Variants in TADA2A observed in about 807,000 individuals in gnomAD.
TADA2A encodes transcriptional adapter 2-alpha.
A neutral mutation model predicts 67.4 loss-of-function variants in TADA2A; 38 were observed. That is an observed-to-expected ratio of 0.56 (90% CI 0.44 to 0.74). TADA2A has a LOEUF of 0.74. TADA2A is among the 30% of genes least tolerant of loss of function. TADA2A has a pLI of 0.00. For missense variants in TADA2A, 454 were observed against 547.0 expected (o/e 0.83, Z 1.70); for synonymous variants, 192 against 181.6 (o/e 1.06, Z -0.46).
At chr17:37,407,645 TC>T (rs2051639535) in intron 1 of TADA2A, 2 of 152,100 alleles carry the variant, frequency 1.3e-5, no homozygotes, top group South Asian at 4.1e-4. Flanking sequence ...TTTTTTTTTT[TC>T]TCCTAGGCTG....
intron 5 of TADA2A, among the ~76,000 whole-genome samples, chr17:37,439,935 TTTA>T (rs1408716750): frequency 1.0e-3 from 88 of 88,052 alleles, no homozygotes; most frequent in Non-Finnish European, 1.6e-3. Context: ...TATTTATTTA[TTTA>T]TTTATTATTT....
At chr17:37,440,182 G>C (rs2052870300) in intron 5 of TADA2A, among the ~76,000 whole-genome samples, 1 of 151,796 alleles carries the variant, frequency 6.6e-6, no homozygotes. Flanking sequence ...CCCAACCTCA[G>C]GTGATCCACC....
At chr17:37,447,445 G>A (rs1036337384) in intron 8 of TADA2A, among the ~76,000 whole-genome samples, 18 of 152,190 alleles carry the variant, frequency 1.2e-4, no homozygotes, top group Middle Eastern at 3.4e-3. Context: ...GTTAGCCACC[G>A]CGTCCGGCCC....
At chr17:37,467,643 GC>G in intron 12 of TADA2A, 118 bp downstream of exon 12, 1 of 816,094 alleles carries the variant, frequency 1.2e-6, no homozygotes. Context: ...TTACCAGAAT[GC>G]TTTAAACCTT....
intron 8 of TADA2A, among the ~76,000 whole-genome samples, chr17:37,448,961 C>G (rs1382984774): frequency 6.6e-6 from 1 of 152,130 alleles, no homozygotes; most frequent in Non-Finnish European, 1.5e-5. Flanking sequence ...AGAGGTCCAG[C>G]CTGGTCTCTG....
chr17:37,439,511 G>C (rs1337776898), intron 5 of TADA2A, among the ~76,000 whole-genome samples: 1 of 152,028 alleles, frequency 6.6e-6, no homozygotes, highest in Admixed American at 6.6e-5. Flanking sequence ...TCGAACTCCT[G>C]AGTTCAAGCC....
intron 8 of TADA2A, chr17:37,454,351 A>C (rs1347521538): frequency 7.1e-6 from 1 of 141,766 alleles, no homozygotes; most frequent in Non-Finnish European, 1.5e-5. Context: ...GCTGGAGTGC[A>C]GTGGCGTGAT....
intron 4 of TADA2A, among the ~76,000 whole-genome samples, chr17:37,435,712 T>G (rs2052704126): frequency 1.3e-5 from 2 of 152,170 alleles, no homozygotes; most frequent in Admixed American, 1.3e-4. Context: ...GCCAAGTAGC[T>G]GGAACCACAG....
At chr17:37,442,137 G>T (rs939709481) in intron 6 of TADA2A, among the ~76,000 whole-genome samples, 5 of 151,012 alleles carry the variant, frequency 3.3e-5, no homozygotes, top group African/African-American at 1.2e-4. Flanking sequence ...GGACTAGTGT[G>T]TGTTGGAGCT....
At chr17:37,474,262 G>C (rs970051418) in intron 14 of TADA2A, among the ~76,000 whole-genome samples, 9 of 152,124 alleles carry the variant, frequency 5.9e-5, no homozygotes, top group African/African-American at 1.9e-4. Context: ...ATAAATAAGA[G>C]ATAACTACTG....
intron 3 of TADA2A, among the ~76,000 whole-genome samples, chr17:37,425,171 C>T (rs773810071): frequency 3.9e-4 from 59 of 152,168 alleles, no homozygotes; most frequent in Non-Finnish European, 6.5e-4. Context: ...TGAGCTACCA[C>T]GCCCGGCCAT....
chr17:37,412,489 T>TA (rs1415369844), intron 2 of TADA2A, among the ~76,000 whole-genome samples: 2 of 151,510 alleles, frequency 1.3e-5, no homozygotes, highest in African/African-American at 4.9e-5. Flanking sequence ...TAACTATGGA[T>TA]AAAAAAATTA....
At chr17:37,475,920 T>C (rs1279202353) in intron 15 of TADA2A, among the ~76,000 whole-genome samples, 1 of 152,252 alleles carries the variant, frequency 6.6e-6, no homozygotes. Context: ...TCTGTTCCTC[T>C]TTTGGAGGAG....
rs150499579 is a variant in TADA2A, at chr17:37,474,608, G to A, written c.1125G>A (p.Lys375=). 3 of 1,613,212 alleles carry A rather than the reference G, an allele frequency of 1.9e-6. No individual in the cohort carries two copies. The highest frequency in any genetic ancestry group is 2.2e-5 in the East Asian group (1 of 44,880). ...LNLTGLPGTE[K]LNEKEKELCQ... is the part of the protein sequence containing the mutation. ...TCACTGGCCTCCCTGGCACAGAGAA[G>A]CTGAATGAAAAAGAAAAGGAGGTAA... Residue 375 remains lysine, a synonymous_variant, in exon 15 of 16, where the codon AAG becomes AAA. Transcript: ENST00000615182.
At chr17:37,453,683 A>C (rs539471584) in intron 8 of TADA2A, among the ~76,000 whole-genome samples, 23 of 147,880 alleles carry the variant, frequency 1.6e-4, no homozygotes, top group Non-Finnish European at 2.1e-4. Flanking sequence ...AGATTGTATT[A>C]CTCTTCAGAG....
intron 1 of TADA2A, among the ~76,000 whole-genome samples, chr17:37,409,565 G>A (rs1369535713): frequency 3.3e-5 from 5 of 151,912 alleles, no homozygotes; most frequent in Non-Finnish European, 1.5e-5. Context: ...TCAGGAGTTC[G>A]AGACCAGCCT....
rs2053949751 is a variant in TADA2A, at chr17:37,479,612, A to G, written c.*2630A>G. The G allele has an allele frequency of 6.6e-6, 1 of 152,198 alleles. No homozygotes were observed. The highest frequency in any genetic ancestry group is 2.4e-5 in the African/African-American group (1 of 41,450). 9.4% of individuals were successfully genotyped at this position (152,198 alleles called of 1,614,324 possible). On this transcript the variant is annotated 3_prime_UTR_variant, in exon 16 of 16. Coordinates refer to ENST00000615182, the MANE Select transcript of TADA2A (RefSeq NM_001166105.3). Reference sequence around the variant, plus strand: ...TTTACCCTGAAACTTAATGACATGAATAAAACCTGTTTACTGAAATTTTTA... The same window carrying G: ...TTTACCCTGAAACTTAATGACATGAGTAAAACCTGTTTACTGAAATTTTTA...
chr17:37,462,114 G>C lies in TADA2A; in HGVS notation c.705G>C (p.Lys235Asn), dbSNP rs1163650883. Reference sequence around the variant, plus strand: ...ACCATGGATTAATCAACCTTAGAAAGTTTCAATGTAAGTATTAGCAGTTTT... The same window carrying C: ...ACCATGGATTAATCAACCTTAGAAACTTTCAATGTAAGTATTAGCAGTTTT... ...IRDHGLINLR[K>N]FQLMERRYPK... Residue 235 changes from lysine to asparagine, a missense_variant, in exon 10 of 16, where the codon AAG (lysine) becomes AAC (asparagine). Physicochemically the swap from Lys to Asn is moderately conservative, Grantham distance 94. This residue lies in a region of TADA2A where 403 missense variants were observed against 455.5 expected (regional missense o/e 0.88). Coordinates refer to ENST00000615182, the MANE Select transcript of TADA2A (RefSeq NM_001166105.3). 1.9e-6 allele frequency: 3 copies of C among 1,562,428 alleles called. No individual in the cohort carries two copies. The highest frequency in any genetic ancestry group is 2.6e-6 in the Non-Finnish European group (3 of 1,143,822).
rs183253775 is a variant in TADA2A at position 37,437,318 on chromosome 17, C to T, written c.193-420C>T. On this transcript the variant is annotated intron_variant, in intron 4 of 15. Coordinates refer to ENST00000615182, the MANE Select transcript of TADA2A (RefSeq NM_001166105.3). ...GTGTTAGCCAGGATGGTCTCGATCTCCTGACCTCGTGATCCGCCCTCCTCG... is the reference window on the plus strand; with the variant it reads ...GTGTTAGCCAGGATGGTCTCGATCTTCTGACCTCGTGATCCGCCCTCCTCG... Among the ~76,000 whole-genome samples the T allele has an allele frequency of 9.4e-4, 142 of 151,752 alleles. 4 individuals carry two copies. The East Asian group carries it at 0.027, about 29-fold the overall frequency.
Sources: gnomAD v4.1 joint callset for allele counts (sites outside exome capture counted in the v4.1 genomes callset) on GRCh38, gnomAD v4.1.1 for gene constraint, gnomAD v4.1.1 regional missense constraint, MANE v1.5 for transcripts, NCBI Gene and HGNC (gene_info 2026-07-23, HGNC 2026-07-21) for gene names.